The following IST1 variants were observed in gnomAD, a reference collection of about 807,000 sequenced individuals.
The protein encoded by IST1 is IST1 homolog.
Under a neutral mutation model 37.0 loss-of-function variants are expected in IST1, and 23 were observed. The observed-to-expected ratio is 0.62, with a 90% CI of 0.45 to 0.88. IST1 has a LOEUF of 0.88. Ranked by LOEUF, IST1 falls within the 40% of genes least tolerant of loss-of-function variation. IST1 has a pLI of 0.00. For missense variants in IST1, 488 were observed against 445.4 expected (o/e 1.10, Z -0.86); for synonymous variants, 180 against 161.7 (o/e 1.11, Z -0.86).
In IST1 at chr16:71,928,772, T is replaced by G. The variant is rs1838772701; in HGVS notation, c.*959T>G. 1 of 152,256 alleles carries G rather than the reference T, an allele frequency of 6.6e-6. No individual in the cohort carries two copies. Among genetic ancestry groups the G allele is most frequent in the African/African-American group, 2.4e-5 (1 of 41,470 alleles). The allele number at this position is 152,256 out of a possible 1,614,324, so 9.4% of individuals were successfully genotyped here. ...ATTTTTGGTGCCCATGCAGCTGTAG[T>G]TGTTCACTGCTTTCCTGGATGGATG... On this transcript the variant is annotated 3_prime_UTR_variant, in exon 10 of 10. Transcript: ENST00000378799.
chr16:71,898,461 A>G, intron 1 of IST1, among the ~76,000 whole-genome samples: 1 of 150,928 alleles, frequency 6.6e-6, no homozygotes, highest in East Asian at 1.9e-4. Context: ...AGGTGAACGG[A>G]TCATGTGAGG....
intron 4 of IST1, among the ~76,000 whole-genome samples, chr16:71,918,253 T>C (rs1410487053): frequency 3.9e-5 from 6 of 152,160 alleles, no homozygotes; most frequent in Non-Finnish European, 5.9e-5. Flanking sequence ...ACTTAATTCT[T>C]CTGTTGTAAG....
At chr16:71,920,653 A>C in intron 4 of IST1, 86 bp from the exon 5 acceptor site, 2 of 866,134 alleles carry the variant, frequency 2.3e-6, no homozygotes. Context: ...CTTGTAATAG[A>C]CGCGTGTTTA....
chr16:71,923,226 C>G (rs2037651483), intron 7 of IST1, 62 bp from the exon 8 acceptor site: 7 of 900,438 alleles, frequency 7.8e-6, no homozygotes, highest in South Asian at 1.5e-5. Context: ...CTTCCCATAC[C>G]CAAACCTTCG....
Position 71,910,974 on chromosome 16 carries a change from T to G in IST1, c.-15-4652T>G, listed in dbSNP as rs1381213373. 2.0e-5 allele frequency among the ~76,000 whole-genome samples: 3 copies of G among 152,042 alleles called. No homozygotes were observed. The East Asian group carries it at 5.8e-4, about 29-fold the overall frequency. ...TGTGTATGCTACTTTTCAGCTTGAT[T>G]TAAAAACAAACAAAAAAAACATTGG... On this transcript the variant is annotated intron_variant, in intron 1 of 9. Transcript: ENST00000378799.
At chr16:71,908,140 C>T (rs1357881683) in intron 1 of IST1, among the ~76,000 whole-genome samples, 3 of 151,886 alleles carry the variant, frequency 2.0e-5, no homozygotes. Flanking sequence ...GATGGGGTTT[C>T]ATCATGTTAG....
intron 6 of IST1, chr16:71,921,690 T>G (rs1456086924): frequency 4.7e-6 from 2 of 423,106 alleles, no homozygotes; most frequent in African/African-American, 4.0e-5. Context: ...GGCACTATTA[T>G]TGCTACTTTT....
intron 1 of IST1, among the ~76,000 whole-genome samples, chr16:71,908,737 A>G (rs569538916): frequency 5.9e-5 from 9 of 152,282 alleles, no homozygotes; most frequent in African/African-American, 2.2e-4. Flanking sequence ...CCAGGACTAG[A>G]GAGCTCTTGA....
At chr16:71,924,732 A>G (rs1401034098) in intron 8 of IST1, 37 bp from the exon 9 acceptor site, 3 of 1,520,930 alleles carry the variant, frequency 2.0e-6, no homozygotes, top group Admixed American at 1.7e-5. Context: ...CAGTGACACT[A>G]TTGCTGTCTC....
chr16:71,918,148 C>T (rs2037505599), intron 4 of IST1, among the ~76,000 whole-genome samples: 1 of 152,196 alleles, frequency 6.6e-6, no homozygotes, highest in African/African-American at 2.4e-5. Context: ...CAGAATCCTC[C>T]TATCTTCTGT....
intron 4 of IST1, among the ~76,000 whole-genome samples, chr16:71,920,020 A>G (rs1310817176): frequency 6.6e-6 from 1 of 152,220 alleles, no homozygotes; most frequent in Non-Finnish European, 1.5e-5. Flanking sequence ...TATATCCTAC[A>G]CATCTGGACC....
Position 71,930,254 on chromosome 16 carries a change from C to G in IST1, c.*2441C>G. The G allele has an allele frequency of 7.1e-7, 1 of 1,406,054 alleles. No homozygotes were observed. Among genetic ancestry groups the G allele is most frequent in the South Asian group, 1.7e-5 (1 of 60,244 alleles). 87.1% of individuals were successfully genotyped at this position (1,406,054 alleles called of 1,614,324 possible). Reference sequence around the variant, plus strand: ...ATACTTTACAAACATAAGCTATATGCTAGTGTTTGGGATCTTATCAGAAGA... The same window carrying G: ...ATACTTTACAAACATAAGCTATATGGTAGTGTTTGGGATCTTATCAGAAGA... On this transcript the variant is annotated 3_prime_UTR_variant, in exon 10 of 10. Coordinates refer to ENST00000378799, the MANE Select transcript of IST1 (RefSeq NM_001270975.2).
At chr16:71,909,291 A>G (rs1251043479) in intron 1 of IST1, among the ~76,000 whole-genome samples, 1 of 151,950 alleles carries the variant, frequency 6.6e-6, no homozygotes, top group Admixed American at 6.6e-5. Context: ...AATATTCTGT[A>G]GAGAGGGTCT....
At chr16:71,896,651 A>G (rs1212605590) in intron 1 of IST1, among the ~76,000 whole-genome samples, 7 of 152,078 alleles carry the variant, frequency 4.6e-5, no homozygotes, top group African/African-American at 1.7e-4. Flanking sequence ...CTTCCTCAGA[A>G]CTTCTGGGAT....
chr16:71,895,481 C>A, upstream of IST1: 1 of 983,594 alleles, frequency 1.0e-6, no homozygotes, highest in Non-Finnish European at 1.2e-6. Flanking sequence ...TATATCGGCC[C>A]CGTGGATCCC....
chr16:71,910,168 G>A (rs13334617), intron 1 of IST1, among the ~76,000 whole-genome samples: 6,114 of 152,202 alleles, frequency 0.04, 414 homozygotes, highest in African/African-American at 0.14. Context: ...ATTTTAAATT[G>A]TGTGTCATTC....
chr16:71,905,568 C>T (rs1312836279), intron 1 of IST1, among the ~76,000 whole-genome samples: 6 of 148,084 alleles, frequency 4.1e-5, no homozygotes, highest in South Asian at 4.3e-4. Flanking sequence ...TTAGTAGAGA[C>T]GGGGTTTCAC....
In IST1 at chr16:71,929,904, GGAA is replaced by G; in HGVS notation, c.*2094_*2096del. On this transcript the variant is annotated 3_prime_UTR_variant, in exon 10 of 10. Coordinates refer to ENST00000378799, the MANE Select transcript of IST1 (RefSeq NM_001270975.2). ...GTAGTCTTATAAATTGGGTTTCCTA[GGAA>G]GATAGCTGGCAGAGCTTTTGAAACT... 1.8e-6 allele frequency: 2 copies of G among 1,136,046 alleles called. No homozygotes were observed. Among genetic ancestry groups the G allele is most frequent in the Non-Finnish European group, 2.4e-6 (2 of 822,788 alleles). The allele number at this position is 1,136,046 out of a possible 1,614,324, so 70.4% of individuals were successfully genotyped here.
chr16:71,912,260 C>T (rs573003372), intron 1 of IST1, among the ~76,000 whole-genome samples: 12 of 151,714 alleles, frequency 7.9e-5, no homozygotes, highest in South Asian at 4.2e-4. Context: ...TTTTTTGAGA[C>T]GGAATCTCGC....
Sources: allele counts gnomAD v4.1 joint callset (sites outside exome capture counted in the v4.1 genomes callset), GRCh38; gene constraint gnomAD v4.1.1; transcripts MANE v1.5; gene names NCBI Gene and HGNC (gene_info 2026-07-23, HGNC 2026-07-21).